The following MDGA2 variants were observed in gnomAD, a reference collection of about 807,000 sequenced individuals.
The protein encoded by MDGA2 is MAM domain containing glycosylphosphatidylinositol anchor 2, also known as MAM domain-containing glycosylphosphatidylinositol anchor protein 2.
Under a neutral mutation model 117.8 loss-of-function variants are expected in MDGA2, and 40 were observed. The observed-to-expected ratio is 0.34, with a 90% CI of 0.26 to 0.44. The LOEUF is 0.44. Ranked by LOEUF, MDGA2 falls within the 20% of genes least tolerant of loss-of-function variation. The probability of loss-of-function intolerance (pLI) is 1.00; values close to 1 mark genes in which losing one functional copy is unlikely to be tolerated. For missense variants in MDGA2, 1,123 were observed against 1,250.6 expected, an observed-to-expected ratio of 0.90 and a Z score of 1.54; for synonymous variants, 452 against 439.0, an observed-to-expected ratio of 1.03 and a Z score of -0.37.
At chr14:47,270,897 G>T (rs1212679422) in intron 2 of MDGA2, among the ~76,000 whole-genome samples, 1 of 152,070 alleles carries the variant, frequency 6.6e-6, no homozygotes, top group Non-Finnish European at 1.5e-5. Flanking sequence ...TTACTCATGT[G>T]ATTTCCTCTA....
intron 10 of MDGA2, among the ~76,000 whole-genome samples, chr14:46,918,486 C>T (rs947471640): frequency 1.3e-5 from 2 of 152,150 alleles, no homozygotes; most frequent in African/African-American, 4.8e-5. Flanking sequence ...TTTCTATCTT[C>T]TCTGTTTAAG....
Position 47,005,265 on chromosome 14 carries a change from C to T in MDGA2, c.1819+29746G>A, listed in dbSNP as rs187673345. On this transcript the variant is annotated intron_variant, in intron 8 of 16. Transcript: ENST00000399232. ...TTAGTTTTATCAGGCTTAGCAAGTT[C>T]CCTTCTATGTCTAGTTATCTAAGAG... 2.5e-4 allele frequency among the ~76,000 whole-genome samples: 38 copies of T among 151,556 alleles called. No individual in the cohort carries two copies. The East Asian group carries it at 4.3e-3, about 17-fold the overall frequency.
chr14:47,186,059 A>C (rs113616015), intron 3 of MDGA2, among the ~76,000 whole-genome samples: 6 of 151,618 alleles, frequency 4.0e-5, no homozygotes, highest in African/African-American at 1.2e-4. Flanking sequence ...AAGAAGAAGA[A>C]AATCCATTCA....
rs559488962 is a variant in MDGA2 at position 47,123,946 on chromosome 14, C to A, written c.925+7768G>T. On this transcript the variant is annotated intron_variant, in intron 5 of 16. Transcript: ENST00000399232. ...AAAGATTTCAGAACCAAAATTTAAA[C>A]CTTATACTTTTGAATGTTAAAACTT... Among the ~76,000 whole-genome samples, 3 of 152,016 alleles carry A rather than the reference C, an allele frequency of 2.0e-5. No individual in the cohort carries two copies. In the South Asian group the frequency reaches 6.2e-4, roughly 32 times the overall value.
chr14:47,179,934 A>G (rs1884631324), intron 3 of MDGA2, among the ~76,000 whole-genome samples: 2 of 152,144 alleles, frequency 1.3e-5, no homozygotes, highest in Middle Eastern at 3.2e-3. Flanking sequence ...ATTGTTAGAC[A>G]TACTTTTATT....
intron 1 of MDGA2, among the ~76,000 whole-genome samples, chr14:47,493,198 T>C (rs904836030): frequency 1.3e-5 from 2 of 151,494 alleles, no homozygotes; most frequent in Non-Finnish European, 2.9e-5. Flanking sequence ...CATCCAGTTA[T>C]TCCCCATCTC....
intron 8 of MDGA2, among the ~76,000 whole-genome samples, chr14:46,979,409 C>T (rs918413681): frequency 2.0e-5 from 3 of 152,094 alleles, no homozygotes; most frequent in Non-Finnish European, 4.4e-5. Flanking sequence ...TTACACATCT[C>T]TCACTTTAAA....
At chr14:47,434,716 G>A (rs537353431) in intron 1 of MDGA2, among the ~76,000 whole-genome samples, 9 of 152,204 alleles carry the variant, frequency 5.9e-5, no homozygotes, top group South Asian at 4.1e-4. Context: ...TTTTCACCTC[G>A]TAGTTACTTT....
chr14:46,966,304 C>T (rs1287631114), intron 8 of MDGA2, among the ~76,000 whole-genome samples: 1 of 152,162 alleles, frequency 6.6e-6, no homozygotes, highest in African/African-American at 2.4e-5. Context: ...CTCTTAAAAA[C>T]AGCCTATGTC....
At chr14:47,081,532 T>C (rs61992855) in intron 6 of MDGA2, among the ~76,000 whole-genome samples, 21,575 of 152,120 alleles carry the variant, frequency 0.14, 1,665 homozygotes, top group East Asian at 0.3. Flanking sequence ...TTTAGACACA[T>C]GTGCTTTTAG....
chr14:47,669,632 C>T (rs747071702), intron 1 of MDGA2, among the ~76,000 whole-genome samples: 1 of 152,044 alleles, frequency 6.6e-6, no homozygotes, highest in Non-Finnish European at 1.5e-5. Context: ...CTTTCATGAT[C>T]GTGGCCATGG....
At chr14:47,141,866 T>G (rs1467093934) in intron 4 of MDGA2, among the ~76,000 whole-genome samples, 2 of 152,168 alleles carry the variant, frequency 1.3e-5, no homozygotes, top group Admixed American at 6.5e-5. Flanking sequence ...GACGAGAATG[T>G]TCTGAATGTT....
intron 5 of MDGA2, among the ~76,000 whole-genome samples, chr14:47,108,427 C>T (rs185949215): frequency 1.2e-3 from 178 of 152,270 alleles, no homozygotes; most frequent in African/African-American, 4.1e-3. Flanking sequence ...ATGCCTTGCC[C>T]CACCTTAACT....
chr14:47,058,911 T>A (rs1193608387), intron 7 of MDGA2: 3 of 972,748 alleles, frequency 3.1e-6, no homozygotes, highest in Non-Finnish European at 3.7e-6. Context: ...TGCTTTGATG[T>A]TGCCATAGTG....
chr14:47,440,805 T>A (rs1382769168), intron 1 of MDGA2, among the ~76,000 whole-genome samples: 1 of 152,108 alleles, frequency 6.6e-6, no homozygotes, highest in Admixed American at 6.5e-5. Context: ...GGGGGAAATA[T>A]GTGATTATTT....
chr14:46,959,244 G>A lies in MDGA2; in HGVS notation c.1820-1601C>T, dbSNP rs933803334. Among the ~76,000 whole-genome samples the A allele has an allele frequency of 2.5e-5, 3 of 120,190 alleles. 1 individual carries two copies. Among genetic ancestry groups the A allele is most frequent in the Non-Finnish European group, 4.9e-5 (3 of 61,776 alleles). The allele number at this position is 120,190 out of a possible 152,430, so 78.8% of individuals were successfully genotyped here. A position where few individuals can be genotyped will look rare whatever the true frequency, so the allele number is the denominator to read the frequency against. ...TATAATCTCTTTTATCTCCAGCAAT[G>A]CTATATATGTGTGTGTGTGTGTGTG... On this transcript the variant is annotated intron_variant, in intron 8 of 16. Coordinates refer to ENST00000399232, the MANE Select transcript of MDGA2 (RefSeq NM_001113498.3).
At chr14:46,852,002 G>C (rs1881077624) in intron 15 of MDGA2, among the ~76,000 whole-genome samples, 1 of 151,614 alleles carries the variant, frequency 6.6e-6, no homozygotes, top group Non-Finnish European at 1.5e-5. Context: ...GTTTAGTTGT[G>C]TTTCACGTTT....
At chr14:46,985,997 C>A (rs531384713) in intron 8 of MDGA2, among the ~76,000 whole-genome samples, 1 of 152,032 alleles carries the variant, frequency 6.6e-6, no homozygotes, top group South Asian at 2.1e-4. Flanking sequence ...GAATGTGATT[C>A]AGCAAGAGGC....
chr14:47,604,165 C>T (rs1896698040), intron 1 of MDGA2, among the ~76,000 whole-genome samples: 1 of 152,144 alleles, frequency 6.6e-6, no homozygotes, highest in African/African-American at 2.4e-5. Context: ...TCTTAACTTA[C>T]ATATGGCTGA....
Sources: gnomAD v4.1 joint callset for allele counts (sites outside exome capture counted in the v4.1 genomes callset) on GRCh38, gnomAD v4.1.1 for gene constraint, MANE v1.5 for transcripts, NCBI Gene and HGNC (gene_info 2026-07-23, HGNC 2026-07-21) for gene names.